The following SPAG16 variants were observed in gnomAD, a reference collection of about 807,000 sequenced individuals.
SPAG16 encodes sperm-associated antigen 16 protein.
In SPAG16, 86 loss-of-function variants were observed where a neutral mutation model predicts 80.4. The observed-to-expected ratio is 1.07, with a 90% confidence interval of 0.90 to 1.28. SPAG16 has a LOEUF of 1.28. SPAG16 is among the 50% of genes most tolerant of loss of function. The probability of loss-of-function intolerance (pLI) is 0.00; values close to 1 mark genes in which losing one functional copy is unlikely to be tolerated. For synonymous variants in SPAG16, 294 were observed against 265.9 expected (o/e 1.11, Z -1.03); for missense variants, 870 against 765.3 (o/e 1.14, Z -1.61).
At chr2:213,860,743 C>A (rs565484859) in intron 10 of SPAG16, among the ~76,000 whole-genome samples, 2 of 152,096 alleles carry the variant, frequency 1.3e-5, no homozygotes, top group South Asian at 4.1e-4. Flanking sequence ...TCACAAAAGT[C>A]ATTTTGGAAA....
intron 4 of SPAG16, 151 bp downstream of exon 4, chr2:213,310,328 A>G: frequency 2.1e-4 from 1 of 4,758 alleles, no homozygotes; most frequent in African/African-American, 9.2e-4. Context: ...CAACACACAC[A>G]CACACACACA....
intron 15 of SPAG16, among the ~76,000 whole-genome samples, chr2:214,193,685 G>A (rs1309551497): frequency 6.6e-6 from 1 of 151,986 alleles, no homozygotes; most frequent in East Asian, 1.9e-4. Flanking sequence ...TGACAAAAGG[G>A]AGATACTCAC....
chr2:213,943,634 T>C (rs1394136271), intron 12 of SPAG16, among the ~76,000 whole-genome samples: 2 of 152,154 alleles, frequency 1.3e-5, no homozygotes, highest in Non-Finnish European at 2.9e-5. Flanking sequence ...TGTGTATAGT[T>C]TTAAAGGATC....
chr2:213,532,600 T>A (rs1018577911), intron 10 of SPAG16, among the ~76,000 whole-genome samples: 3 of 152,062 alleles, frequency 2.0e-5, no homozygotes, highest in African/African-American at 7.2e-5. Flanking sequence ...TAGCTGGGAC[T>A]ACGGCTACAC....
At chr2:214,167,289 T>G (rs544469585) in intron 15 of SPAG16, among the ~76,000 whole-genome samples, 1 of 152,090 alleles carries the variant, frequency 6.6e-6, no homozygotes, top group Non-Finnish European at 1.5e-5. Context: ...GAAAAACTTG[T>G]CATCTAGTCA....
At chr2:213,768,939 A>T (rs530818598) in intron 10 of SPAG16, among the ~76,000 whole-genome samples, 11 of 152,270 alleles carry the variant, frequency 7.2e-5, no homozygotes, top group African/African-American at 2.2e-4. Flanking sequence ...TCCATAAGAA[A>T]AGGTCTGAGA....
intron 10 of SPAG16, among the ~76,000 whole-genome samples, chr2:213,618,284 A>G (rs1367856935): frequency 6.6e-6 from 1 of 152,200 alleles, no homozygotes; most frequent in Admixed American, 6.5e-5. Context: ...GGAAATCTTT[A>G]TGAACTTCCT....
intron 6 of SPAG16, among the ~76,000 whole-genome samples, chr2:213,349,353 CAAAAA>C (rs1005664488): frequency 6.6e-6 from 1 of 151,760 alleles, no homozygotes. Context: ...AATGGACAAA[CAAAAA>C]ATCAACAAAG....
At chr2:213,784,626 TAAAAAAAAAAAA>T (rs71063777) in intron 10 of SPAG16, among the ~76,000 whole-genome samples, 3 of 47,902 alleles carry the variant, frequency 6.3e-5, no homozygotes, top group East Asian at 7.2e-4. Flanking sequence ...CAATTATTTC[TAAAAAAAAAAAA>T]AAAAAAAAAA....
chr2:213,685,096 C>T (rs1009068583), intron 10 of SPAG16, among the ~76,000 whole-genome samples: 1 of 152,122 alleles, frequency 6.6e-6, no homozygotes, highest in African/African-American at 2.4e-5. Context: ...GACAGAAGGG[C>T]TGAATAAAAG....
chr2:213,983,542 A>T (rs951622600), intron 12 of SPAG16, among the ~76,000 whole-genome samples: 2 of 152,040 alleles, frequency 1.3e-5, no homozygotes, highest in Non-Finnish European at 2.9e-5. Flanking sequence ...TCAGACTAAA[A>T]TTTAACATAA....
chr2:214,228,186 G>C (rs990917882), intron 15 of SPAG16, among the ~76,000 whole-genome samples: 3 of 151,868 alleles, frequency 2.0e-5, no homozygotes, highest in Admixed American at 1.3e-4. Context: ...TAAGAACTTA[G>C]TACAATTGCA....
At chr2:213,712,294 A>C (rs2066034096) in intron 10 of SPAG16, among the ~76,000 whole-genome samples, 1 of 152,196 alleles carries the variant, frequency 6.6e-6, no homozygotes, top group South Asian at 2.1e-4. Flanking sequence ...TGTTCACTGA[A>C]ACTGAGCTGA....
intron 10 of SPAG16, among the ~76,000 whole-genome samples, chr2:213,704,702 A>G (rs2065659765): frequency 6.6e-6 from 1 of 152,116 alleles, no homozygotes; most frequent in Non-Finnish European, 1.5e-5. Context: ...TTCCTTTTTC[A>G]TGTTCTCACC....
chr2:213,434,362 A>G (rs978602672), intron 9 of SPAG16, among the ~76,000 whole-genome samples: 24 of 152,208 alleles, frequency 1.6e-4, no homozygotes, highest in Non-Finnish European at 2.8e-4. Context: ...ATACTATTAA[A>G]ATACTAGAAA....
In SPAG16 at chr2:213,868,548, C is replaced by T. The variant is rs12466276; in HGVS notation, c.1214+5920C>T. On this transcript the variant is annotated intron_variant, in intron 11 of 15. Transcript: ENST00000331683. ...TTAATTGGTCTTTACCTACACCAGACGACTGCTTCATAATAGTAACATAAT... is the reference window on the plus strand; with the variant it reads ...TTAATTGGTCTTTACCTACACCAGATGACTGCTTCATAATAGTAACATAAT... Among the ~76,000 whole-genome samples, 7 of 152,092 alleles carry T rather than the reference C, an allele frequency of 4.6e-5. No individual in the cohort carries two copies. In the South Asian group the frequency reaches 1.0e-3, roughly 23 times the overall value.
chr2:213,419,860 G>C (rs1371182169), intron 9 of SPAG16, among the ~76,000 whole-genome samples: 1 of 152,164 alleles, frequency 6.6e-6, no homozygotes, highest in Non-Finnish European at 1.5e-5. Context: ...TGCTAAGTAT[G>C]TATCTCACTT....
At position 213,595,476 on chromosome 2, in the gene SPAG16, C is replaced by T. The variant is rs560658122; in HGVS notation, c.1070+105386C>T. Among the ~76,000 whole-genome samples, 17 of 152,170 alleles carry T rather than the reference C, an allele frequency of 1.1e-4. 1 individual carries two copies. Among genetic ancestry groups the T allele is most frequent in the African/African-American group, 2.6e-4 (11 of 41,552 alleles). On this transcript the variant is annotated intron_variant, in intron 10 of 15. Transcript: ENST00000331683. ...AGCTTTTCTTTTAACATATATCAAA[C>T]GACATATTCTGCATTTTCTAGGATT...
At chr2:213,746,560 C>T (rs2125472038) in intron 10 of SPAG16, among the ~76,000 whole-genome samples, 1 of 152,290 alleles carries the variant, frequency 6.6e-6, no homozygotes, top group Non-Finnish European at 1.5e-5. Flanking sequence ...AATCCCAGCA[C>T]TTTGGGAGGC....
Sources: allele counts gnomAD v4.1 joint callset (sites outside exome capture counted in the v4.1 genomes callset), GRCh38; gene constraint gnomAD v4.1.1; transcripts MANE v1.5; gene names NCBI Gene and HGNC (gene_info 2026-07-23, HGNC 2026-07-21).